Variants in KHDRBS2 observed in about 807,000 individuals in gnomAD.
The protein encoded by KHDRBS2 is KH domain-containing, RNA-binding, signal transduction-associated protein 2.
Under a neutral mutation model 44.3 loss-of-function variants are expected in KHDRBS2, and 26 were observed. The observed-to-expected ratio is 0.59, with a 90% CI of 0.43 to 0.81. The LOEUF (loss-of-function observed/expected upper bound fraction) is 0.81. KHDRBS2 is among the 40% of genes least tolerant of loss of function. The pLI is 0.00. For missense variants in KHDRBS2, 476 were observed against 433.1 expected (o/e 1.10, Z -0.88); for synonymous variants, 194 against 151.1 (o/e 1.28, Z -2.08).
At position 62,278,786 on chromosome 6, in the gene KHDRBS2, C is replaced by A. The variant is rs192747171; in HGVS notation, c.91+7072G>T. On this transcript the variant is annotated intron_variant, in intron 1 of 8. Coordinates refer to ENST00000281156, the MANE Select transcript of KHDRBS2 (RefSeq NM_152688.4). ...CCAGACTGAGTGCTAGAAAAGCCAG[C>A]AACTCAGAAGTATTAAAGGCAGACA... Among the ~76,000 whole-genome samples the A allele has an allele frequency of 1.9e-3, 295 of 152,134 alleles. 3 individuals are homozygous for A. The highest frequency in any genetic ancestry group is 6.9e-3 in the African/African-American group (285 of 41,512).
At chr6:62,271,449 T>A (rs1053240178) in intron 1 of KHDRBS2, among the ~76,000 whole-genome samples, 1 of 152,222 alleles carries the variant, frequency 6.6e-6, no homozygotes, top group Non-Finnish European at 1.5e-5. Flanking sequence ...TTTATGTATG[T>A]ATTATACAAT....
intron 2 of KHDRBS2, among the ~76,000 whole-genome samples, chr6:62,171,786 A>G (rs577133197): frequency 4.6e-5 from 7 of 152,206 alleles, no homozygotes; most frequent in Non-Finnish European, 1.0e-4. Flanking sequence ...TCACTCCTAA[A>G]GAAAATAAAC....
At chr6:62,139,944 C>T (rs1005796126) in intron 2 of KHDRBS2, among the ~76,000 whole-genome samples, 3 of 142,368 alleles carry the variant, frequency 2.1e-5, no homozygotes, top group African/African-American at 5.0e-5. Context: ...TGAGACCTTA[C>T]AATCACTATT....
At chr6:61,753,272 T>C (rs1263024940) in intron 6 of KHDRBS2, among the ~76,000 whole-genome samples, 1 of 152,068 alleles carries the variant, frequency 6.6e-6, no homozygotes, top group Non-Finnish European at 1.5e-5. Flanking sequence ...TGCTTTGCAG[T>C]CACATTATTC....
At chr6:62,138,782 G>T (rs949811073) in intron 2 of KHDRBS2, among the ~76,000 whole-genome samples, 2 of 152,100 alleles carry the variant, frequency 1.3e-5, no homozygotes, top group Non-Finnish European at 2.9e-5. Flanking sequence ...GGAAAATAAA[G>T]ATATGTTACC....
intron 6 of KHDRBS2, among the ~76,000 whole-genome samples, chr6:61,848,796 C>T (rs1469328877): frequency 6.6e-6 from 1 of 150,734 alleles, no homozygotes; most frequent in Non-Finnish European, 1.5e-5. Context: ...CCTTTTTAAA[C>T]TGTAAGCTAT....
At chr6:62,210,478 A>G (rs1323721487) in intron 1 of KHDRBS2, among the ~76,000 whole-genome samples, 3 of 151,902 alleles carry the variant, frequency 2.0e-5, no homozygotes, top group Non-Finnish European at 4.4e-5. Context: ...TTACAGGCAC[A>G]CACCACCACA....
At chr6:61,871,468 G>A (rs151112281) in intron 6 of KHDRBS2, among the ~76,000 whole-genome samples, 2 of 152,140 alleles carry the variant, frequency 1.3e-5, no homozygotes, top group Non-Finnish European at 2.9e-5. Context: ...CCCCAACCTA[G>A]CAAGACAGAA....
chr6:61,885,071 A>C (rs1169307044), intron 6 of KHDRBS2, among the ~76,000 whole-genome samples: 1 of 152,282 alleles, frequency 6.6e-6, no homozygotes, highest in African/African-American at 2.4e-5. Flanking sequence ...TGAAAACACT[A>C]TTAACATCAC....
the KHDRBS2 span, among the ~76,000 whole-genome samples, chr6:61,551,781 G>T: frequency 4.6e-5 from 7 of 152,226 alleles, no homozygotes; most frequent in East Asian, 1.4e-3. Flanking sequence ...AATATAGTTT[G>T]AAATTGGGTA....
intron 6 of KHDRBS2, among the ~76,000 whole-genome samples, chr6:61,893,966 A>G (rs1205283806): frequency 6.6e-6 from 1 of 152,132 alleles, no homozygotes. Context: ...CCCTTTTTAC[A>G]TATTTCACAA....
At chr6:62,142,399 G>A (rs144679297) in intron 2 of KHDRBS2, among the ~76,000 whole-genome samples, 114 of 151,952 alleles carry the variant, frequency 7.5e-4, no homozygotes, top group African/African-American at 2.3e-3. Flanking sequence ...TCCATCTCTC[G>A]GATAAATTTA....
intron 2 of KHDRBS2, among the ~76,000 whole-genome samples, chr6:62,076,852 T>C (rs1031447753): frequency 1.3e-5 from 2 of 151,920 alleles, no homozygotes; most frequent in African/African-American, 4.8e-5. Context: ...TGAGACCAGC[T>C]TGTGCAACAT....
At chr6:62,028,963 C>G (rs1027619902) in intron 3 of KHDRBS2, among the ~76,000 whole-genome samples, 1 of 151,834 alleles carries the variant, frequency 6.6e-6, no homozygotes, top group Non-Finnish European at 1.5e-5. Context: ...CTCCATTGTA[C>G]AACTAGAATT....
intron 6 of KHDRBS2, among the ~76,000 whole-genome samples, chr6:61,793,995 A>G (rs1385519831): frequency 6.6e-6 from 1 of 152,180 alleles, no homozygotes; most frequent in African/African-American, 2.4e-5. Context: ...TATGATTCAA[A>G]TTCAGCATGC....
the KHDRBS2 span, among the ~76,000 whole-genome samples, chr6:61,661,936 C>T: frequency 1.3e-5 from 2 of 151,596 alleles, no homozygotes; most frequent in Admixed American, 1.3e-4. Context: ...GCCCGCATCG[C>T]CAAGCCAATC....
intron 1 of KHDRBS2, among the ~76,000 whole-genome samples, chr6:62,245,665 T>A (rs1043339309): frequency 6.6e-6 from 1 of 152,116 alleles, no homozygotes; most frequent in Non-Finnish European, 1.5e-5. Context: ...ATGAGTGTCA[T>A]ACAATTTACA....
At chr6:62,096,883 A>G (rs931578438) in intron 2 of KHDRBS2, among the ~76,000 whole-genome samples, 1 of 151,888 alleles carries the variant, frequency 6.6e-6, no homozygotes, top group African/African-American at 2.4e-5. Context: ...TATAACACCT[A>G]AGTGAATGCT....
At chr6:62,156,913 C>T (rs1218887027) in intron 2 of KHDRBS2, among the ~76,000 whole-genome samples, 5 of 148,030 alleles carry the variant, frequency 3.4e-5, no homozygotes, top group Middle Eastern at 3.5e-3. Context: ...TCTTGATCTC[C>T]GGACCTCGTG....
Sources: allele counts gnomAD v4.1 joint callset (sites outside exome capture counted in the v4.1 genomes callset), GRCh38; gene constraint gnomAD v4.1.1; transcripts MANE v1.5; gene names NCBI Gene and HGNC (gene_info 2026-07-23, HGNC 2026-07-21).